The following MARK1 variants were observed in gnomAD, a reference collection of about 807,000 sequenced individuals.
The protein encoded by MARK1 is microtubule affinity regulating kinase 1, also known as serine/threonine-protein kinase MARK1.
MARK1 carries 40 observed loss-of-function variants against 96.3 expected under a neutral mutation model. That is an observed-to-expected ratio of 0.42 (90% CI 0.32 to 0.54). The LOEUF (loss-of-function observed/expected upper bound fraction) is 0.54, where lower values mean the gene tolerates loss of function less well. Among genes scored for constraint, MARK1 ranks in the 20% least tolerant of loss-of-function variants. The pLI is 0.16. For missense variants in MARK1, 719 were observed against 984.6 expected, an observed-to-expected ratio of 0.73 and a Z score of 3.61; for synonymous variants, 317 against 341.2, an observed-to-expected ratio of 0.93 and a Z score of 0.78.
At chr1:220,619,034 C>T (rs201332695) in intron 9 of MARK1, among the ~76,000 whole-genome samples, 5 of 152,144 alleles carry the variant, frequency 3.3e-5, no homozygotes, top group East Asian at 1.9e-4. Flanking sequence ...AGGAGGAAAA[C>T]GTAGCTGCTG....
At chr1:220,612,683 T>A (rs1260551930) in intron 6 of MARK1, among the ~76,000 whole-genome samples, 1 of 152,210 alleles carries the variant, frequency 6.6e-6, no homozygotes, top group African/African-American at 2.4e-5. Flanking sequence ...AGGAGCTTAC[T>A]TTTATTTATG....
chr1:220,590,915 A>G (rs58629118), intron 3 of MARK1, among the ~76,000 whole-genome samples: 8,565 of 152,176 alleles, frequency 0.056, 765 homozygotes, highest in African/African-American at 0.19. Context: ...ATAGGAACCC[A>G]ATGGCTGTGT....
At position 220,635,485 on chromosome 1, in the gene MARK1, G is replaced by A; in HGVS notation, c.1232G>A (p.Arg411Lys). ...LQSPAHLKVQ[R>K]SISANQKQRR... ...TCCCCTGCTCACCTGAAGGTCCAGA[G>A]AAGTATCTCAGCAAATCAGAAGCAG... Residue 411 changes from arginine (R) to lysine (K), a missense_variant, in exon 12 of 18, where the codon AGA becomes AAA. This residue lies in a region of MARK1 where 501 missense variants were observed against 588.3 expected (regional missense o/e 0.85). Transcript: ENST00000366917. 1 of 1,613,578 alleles carries A rather than the reference G, an allele frequency of 6.2e-7. No individual in the cohort carries two copies. Among genetic ancestry groups the A allele is most frequent in the Non-Finnish European group, 8.5e-7 (1 of 1,179,882 alleles).
At chr1:220,632,063 C>G in intron 10 of MARK1, 138 bp from the exon 11 acceptor site, 1 of 498,980 alleles carries the variant, frequency 2.0e-6, no homozygotes, top group Non-Finnish European at 3.6e-6. Context: ...GGTTAATAGT[C>G]CAGAAGTTTT....
At chr1:220,595,443 C>T (rs1000198301) in intron 3 of MARK1, among the ~76,000 whole-genome samples, 17 of 152,194 alleles carry the variant, frequency 1.1e-4, no homozygotes, top group African/African-American at 4.1e-4. Context: ...TGAGTGAAGG[C>T]TGACTCCCAT....
intron 3 of MARK1, among the ~76,000 whole-genome samples, chr1:220,588,498 A>T (rs924691554): frequency 6.6e-6 from 1 of 152,182 alleles, no homozygotes; most frequent in Non-Finnish European, 1.5e-5. Flanking sequence ...TGTAGTTATA[A>T]ATCATCTAAT....
At chr1:220,584,056 A>C (rs1015045751) in intron 3 of MARK1, among the ~76,000 whole-genome samples, 5 of 152,082 alleles carry the variant, frequency 3.3e-5, no homozygotes, top group African/African-American at 7.2e-5. Context: ...TTGAAATGTA[A>C]GATCATTTTC....
chr1:220,562,895 T>G (rs1182065992), intron 1 of MARK1, among the ~76,000 whole-genome samples: 3 of 152,186 alleles, frequency 2.0e-5, no homozygotes, highest in African/African-American at 4.8e-5. Context: ...TTGTGGAATT[T>G]TTTTTTCTGA....
rs181695148 is a variant in MARK1 at position 220,595,838 on chromosome 1, G to A, written c.310-2493G>A. On this transcript the variant is annotated intron_variant, in intron 3 of 17. Transcript: ENST00000366917. Reference sequence around the variant, plus strand: ...GTAGTGTCAATATGGATGGGTAGACGTTGATGGATTTGAGATAAACTGTGG... The same window carrying A: ...GTAGTGTCAATATGGATGGGTAGACATTGATGGATTTGAGATAAACTGTGG... 6.7e-4 allele frequency among the ~76,000 whole-genome samples: 102 copies of A among 152,274 alleles called. 1 individual carries two copies. The highest frequency in any genetic ancestry group is 1.2e-3 in the Non-Finnish European group (79 of 68,016).
Position 220,653,267 on chromosome 1 carries a change from T to A in MARK1, c.1903T>A (p.Ser635Thr). The A allele has an allele frequency of 6.2e-7, 1 of 1,614,182 alleles. No individual in the cohort carries two copies. Among genetic ancestry groups the A allele is most frequent in the Non-Finnish European group, 8.5e-7 (1 of 1,180,032 alleles). ...VAYNGPPASP[S>T]HETGAFAHAR... ...TTATAATGGGCCACCTGCTTCACCA[T>A]CCCATGAAACGGGTGCATTTGCACA... Residue 635 changes from serine (S) to threonine (T), a missense_variant, in exon 16 of 18, where the codon TCC (serine) becomes ACC (threonine). Physicochemically the swap from Ser to Thr is moderately conservative, Grantham distance 58. This residue lies in a region of MARK1 where 501 missense variants were observed against 588.3 expected (regional missense o/e 0.85). Coordinates refer to ENST00000366917, the MANE Select transcript of MARK1 (RefSeq NM_018650.5).
chr1:220,611,738 A>G (rs905255518), intron 6 of MARK1, among the ~76,000 whole-genome samples: 7 of 151,384 alleles, frequency 4.6e-5, no homozygotes, highest in Admixed American at 1.3e-4. Context: ...TTTTATTTTT[A>G]TTTTATTTTT....
At chr1:220,643,992 A>G (rs1668435487) in intron 13 of MARK1, among the ~76,000 whole-genome samples, 1 of 152,224 alleles carries the variant, frequency 6.6e-6, no homozygotes, top group Non-Finnish European at 1.5e-5. Context: ...CGATGACACT[A>G]TGAAGCAACT....
intron 12 of MARK1, 110 bp downstream of exon 12, chr1:220,635,639 C>A: frequency 7.8e-7 from 1 of 1,283,974 alleles, no homozygotes; most frequent in Non-Finnish European, 1.1e-6. Flanking sequence ...CTAGTTCTCA[C>A]AGACTTATAT....
At chr1:220,599,591 A>C (rs1665603749) in intron 4 of MARK1, among the ~76,000 whole-genome samples, 1 of 152,088 alleles carries the variant, frequency 6.6e-6, no homozygotes, top group Non-Finnish European at 1.5e-5. Flanking sequence ...TTTCAACTCA[A>C]GAAGTTGGTT....
intron 1 of MARK1, among the ~76,000 whole-genome samples, chr1:220,536,062 T>C (rs982988910): frequency 6.6e-6 from 1 of 152,196 alleles, no homozygotes; most frequent in African/African-American, 2.4e-5. Flanking sequence ...GGTTAGTTCT[T>C]TGTTAGTGCA....
intron 9 of MARK1, among the ~76,000 whole-genome samples, chr1:220,619,215 C>G (rs1241323343): frequency 6.6e-6 from 1 of 152,232 alleles, no homozygotes; most frequent in African/African-American, 2.4e-5. Context: ...TGGCTCACGC[C>G]TGTAATCCCA....
At chr1:220,535,050 G>A (rs73101870) in intron 1 of MARK1, among the ~76,000 whole-genome samples, 2,983 of 152,080 alleles carry the variant, frequency 0.02, 41 homozygotes, top group Middle Eastern at 0.044. Context: ...AGAAATGGTC[G>A]TATGTTAGTT....
At chr1:220,561,955 G>T (rs1662696535) in intron 1 of MARK1, among the ~76,000 whole-genome samples, 1 of 152,100 alleles carries the variant, frequency 6.6e-6, no homozygotes, top group African/African-American at 2.4e-5. Context: ...TGAGAAGAAG[G>T]CCATGATTTC....
Position 220,528,651 on chromosome 1 carries a change from G to T in MARK1, c.-172G>T. The T allele has an allele frequency of 1.9e-6, 1 of 524,980 alleles. No individual in the cohort carries two copies. The highest frequency in any genetic ancestry group is 3.0e-5 in the South Asian group (1 of 33,866). The allele number at this position is 524,980 out of a possible 1,614,324, so 32.5% of individuals were successfully genotyped here. A position where few individuals can be genotyped will look rare whatever the true frequency, so the allele number is the denominator to read the frequency against. ...GCGGCTCCCCCTCCTCTTCCTCCGC[G>T]TCCTCTTCCCTCTTTCCCCCGCCGG... is the stretch of plus-strand genomic sequence containing the variant. On this transcript the variant is annotated 5_prime_UTR_variant, in exon 1 of 18. Transcript: ENST00000366917.
Sources: gnomAD v4.1 joint callset for allele counts (sites outside exome capture counted in the v4.1 genomes callset) on GRCh38, gnomAD v4.1.1 for gene constraint, gnomAD v4.1.1 regional missense constraint, MANE v1.5 for transcripts, NCBI Gene and HGNC (gene_info 2026-07-23, HGNC 2026-07-21) for gene names.